The following SAMD5 variants were observed in gnomAD, a reference collection of about 807,000 sequenced individuals.
SAMD5 encodes the protein sterile alpha motif domain-containing protein 5.
Under a neutral mutation model 11.3 loss-of-function variants are expected in SAMD5, and 13 were observed. The ratio of observed to expected loss-of-function variants is 1.15; its 90% CI spans 0.75 to 1.83. SAMD5 has a LOEUF of 1.83. Ranked by LOEUF, SAMD5 falls within the 40% of genes most tolerant of loss-of-function variation. The pLI is 0.00. For missense variants in SAMD5, 255 were observed against 239.1 expected (o/e 1.07, Z -0.44); for synonymous variants, 129 against 111.3 (o/e 1.16, Z -1.00).
At chr6:147,796,695 A>G in the SAMD5 span, among the ~76,000 whole-genome samples, 1,270 of 152,314 alleles carry the variant, frequency 8.3e-3, 13 homozygotes, top group African/African-American at 0.03. Flanking sequence ...CTTCCTACCC[A>G]TGAGCATGGA....
chr6:147,924,317 C>T, the SAMD5 span, among the ~76,000 whole-genome samples: 1 of 152,036 alleles, frequency 6.6e-6, no homozygotes, highest in African/African-American at 2.4e-5. Flanking sequence ...AGAGAATCTA[C>T]AATGTAACTG....
At chr6:147,581,738 G>C (rs917549005) in intron 1 of SAMD5, among the ~76,000 whole-genome samples, 1 of 152,190 alleles carries the variant, frequency 6.6e-6, no homozygotes, top group Non-Finnish European at 1.5e-5. Flanking sequence ...GGTGACAAGG[G>C]TTCGAAGGAT....
the SAMD5 span, among the ~76,000 whole-genome samples, chr6:147,789,840 T>C: frequency 6.6e-6 from 1 of 152,194 alleles, no homozygotes; most frequent in Admixed American, 6.5e-5. Context: ...TTGGGATTTG[T>C]GTGGTGGTTT....
chr6:147,696,131 T>C (rs1583143126), intron 1 of SAMD5, among the ~76,000 whole-genome samples: 1 of 152,072 alleles, frequency 6.6e-6, no homozygotes, highest in East Asian at 1.9e-4. Flanking sequence ...TGAGGAACCC[T>C]ACTTCTTCTG....
At chr6:147,518,815 G>GA (rs1375254202) in intron 1 of SAMD5, among the ~76,000 whole-genome samples, 2 of 152,146 alleles carry the variant, frequency 1.3e-5, no homozygotes, top group Admixed American at 1.3e-4. Flanking sequence ...TAAGTTTTAT[G>GA]AAAAAATGCT....
rs942996508 is a variant in SAMD5, at chr6:147,568,403, A to G, written c.*3947A>G. On this transcript the variant is annotated 3_prime_UTR_variant, in exon 2 of 2. Transcript: ENST00000367474. ...TGCTTGGACAAAACATTTGCTTTAT[A>G]TAGATTCTTACAAGTAATATTTGAT... 3.0e-6 allele frequency: 3 copies of G among 984,762 alleles called. No individual in the cohort carries two copies. Among genetic ancestry groups the G allele is most frequent in the African/African-American group, 3.5e-5 (2 of 57,242 alleles). The allele number at this position is 984,762 out of a possible 1,614,324, so 61.0% of individuals were successfully genotyped here.
intron 1 of SAMD5, among the ~76,000 whole-genome samples, chr6:147,551,837 T>G (rs1270370021): frequency 7.0e-6 from 1 of 143,334 alleles, no homozygotes; most frequent in Non-Finnish European, 1.5e-5. Flanking sequence ...TATATATATA[T>G]GTATATATGT....
At chr6:147,937,726 T>C in the SAMD5 span, among the ~76,000 whole-genome samples, 2 of 152,226 alleles carry the variant, frequency 1.3e-5, no homozygotes, top group Non-Finnish European at 2.9e-5. Flanking sequence ...CTATCCTCAG[T>C]GCAAGACTGT....
chr6:147,737,168 T>C, intron 1 of SAMD5: 1 of 288,878 alleles, frequency 3.5e-6, no homozygotes, highest in Admixed American at 4.6e-5. Flanking sequence ...TAGTAATGTA[T>C]TTTTTTATCA....
intron 1 of SAMD5, among the ~76,000 whole-genome samples, chr6:147,523,461 A>T (rs936570027): frequency 5.3e-5 from 8 of 152,198 alleles, no homozygotes; most frequent in Admixed American, 1.3e-4. Context: ...TGCAGAAATG[A>T]ATGCACCCAA....
intron 1 of SAMD5, among the ~76,000 whole-genome samples, chr6:147,554,375 A>T (rs939706109): frequency 6.6e-6 from 1 of 152,174 alleles, no homozygotes; most frequent in Admixed American, 6.5e-5. Flanking sequence ...AAAGAGGATG[A>T]CGCTGTTGTC....
At chr6:147,736,102 G>T (rs1791799491) in intron 1 of SAMD5, among the ~76,000 whole-genome samples, 1 of 152,066 alleles carries the variant, frequency 6.6e-6, no homozygotes, top group South Asian at 2.1e-4. Flanking sequence ...CCAAATCTAG[G>T]CTGTGCCACC....
At chr6:147,637,860 G>GCTT (rs1491259341) in intron 1 of SAMD5, among the ~76,000 whole-genome samples, 97 of 141,916 alleles carry the variant, frequency 6.8e-4, no homozygotes, top group African/African-American at 2.3e-3. Context: ...AGCAAGTTCG[G>GCTT]TTTTTTTTTT....
the SAMD5 span, among the ~76,000 whole-genome samples, chr6:147,809,899 C>A: frequency 6.6e-6 from 1 of 152,126 alleles, no homozygotes; most frequent in South Asian, 2.1e-4. Flanking sequence ...GGGGGCAAAA[C>A]CCCCCTACTC....
At chr6:147,705,494 A>C (rs1481928791) in intron 1 of SAMD5, among the ~76,000 whole-genome samples, 5 of 152,186 alleles carry the variant, frequency 3.3e-5, no homozygotes, top group Non-Finnish European at 7.3e-5. Flanking sequence ...TTTTTTTAAG[A>C]TACAAAAGAA....
chr6:147,794,149 G>A, the SAMD5 span, among the ~76,000 whole-genome samples: 2 of 152,016 alleles, frequency 1.3e-5, no homozygotes, highest in African/African-American at 4.8e-5. Context: ...GCACTTATTT[G>A]AATGAATAAA....
chr6:147,709,177 G>A (rs1791363817), intron 1 of SAMD5, among the ~76,000 whole-genome samples: 1 of 152,026 alleles, frequency 6.6e-6, no homozygotes, highest in African/African-American at 2.4e-5. Context: ...TTGTACCTTT[G>A]AAGAATAATT....
chr6:147,935,410 C>A, the SAMD5 span, among the ~76,000 whole-genome samples: 43 of 152,088 alleles, frequency 2.8e-4, no homozygotes, highest in Non-Finnish European at 1.8e-4. Flanking sequence ...GACTAATGGG[C>A]AACTTTACCT....
At chr6:147,553,557 G>C (rs530662769) in intron 1 of SAMD5, among the ~76,000 whole-genome samples, 1 of 152,258 alleles carries the variant, frequency 6.6e-6, no homozygotes, top group African/African-American at 2.4e-5. Context: ...AGGTTACCTT[G>C]GACAATGGCT....
Sources: gnomAD v4.1 joint callset for allele counts (sites outside exome capture counted in the v4.1 genomes callset) on GRCh38, gnomAD v4.1.1 for gene constraint, MANE v1.5 for transcripts, NCBI Gene and HGNC (gene_info 2026-07-23, HGNC 2026-07-21) for gene names.